The following CNTN4 variants were observed in gnomAD, a reference collection of about 807,000 sequenced individuals.
The protein encoded by CNTN4 is contactin 4, also known as contactin-4.
CNTN4 carries 77 observed loss-of-function variants against 122.5 expected under a neutral mutation model. The ratio of observed to expected loss-of-function variants is 0.63; its 90% CI spans 0.52 to 0.76. The LOEUF (loss-of-function observed/expected upper bound fraction) is 0.76. Ranked by LOEUF, CNTN4 falls within the 30% of genes least tolerant of loss-of-function variation. CNTN4 has a pLI of 0.00. For missense variants in CNTN4, 1,256 were observed against 1,259.1 expected (o/e 1.00, Z 0.04); for synonymous variants, 512 against 447.0 (o/e 1.15, Z -1.83).
At chr3:2,422,264 C>T (rs2047647030) in intron 3 of CNTN4, among the ~76,000 whole-genome samples, 1 of 152,202 alleles carries the variant, frequency 6.6e-6, no homozygotes, top group Admixed American at 6.5e-5. Flanking sequence ...ATTTAAGGAA[C>T]TCTCCTTCCC....
chr3:2,667,336 G>T (rs2084228882), intron 4 of CNTN4, among the ~76,000 whole-genome samples: 1 of 152,122 alleles, frequency 6.6e-6, no homozygotes, highest in African/African-American at 2.4e-5. Context: ...TTTCTCTGAT[G>T]GCCAGTGATA....
At chr3:2,879,401 G>A (rs1182636202) in intron 8 of CNTN4, among the ~76,000 whole-genome samples, 1 of 152,086 alleles carries the variant, frequency 6.6e-6, no homozygotes, top group Non-Finnish European at 1.5e-5. Context: ...CTTTTGCTTA[G>A]GGCCACTGAG....
chr3:2,618,249 A>G (rs907761834), intron 4 of CNTN4, among the ~76,000 whole-genome samples: 2 of 151,904 alleles, frequency 1.3e-5, no homozygotes, highest in Admixed American at 1.3e-4. Context: ...GTGGGTATAT[A>G]TATATATGGA....
intron 4 of CNTN4, among the ~76,000 whole-genome samples, chr3:2,701,074 T>A (rs2086332014): frequency 6.6e-6 from 1 of 152,218 alleles, no homozygotes; most frequent in Admixed American, 6.5e-5. Context: ...TAAACTCTTA[T>A]AATATTCCAT....
intron 13 of CNTN4, among the ~76,000 whole-genome samples, chr3:2,945,830 A>G (rs2094671147): frequency 6.6e-6 from 1 of 152,194 alleles, no homozygotes; most frequent in African/African-American, 2.4e-5. Flanking sequence ...TGTCAAACCT[A>G]AAAAATCAAG....
intron 3 of CNTN4, among the ~76,000 whole-genome samples, chr3:2,360,877 C>A (rs1262745614): frequency 6.6e-6 from 1 of 152,116 alleles, no homozygotes; most frequent in East Asian, 1.9e-4. Context: ...CAAATCCTTA[C>A]CATATCACTG....
chr3:3,043,716 C>A lies in CNTN4; in HGVS notation c.2811+12C>A, dbSNP rs199645551. On this transcript the variant is annotated intron_variant, in intron 23 of 24. Coordinates refer to ENST00000418658, the MANE Select transcript of CNTN4 (RefSeq NM_175607.3). ...TAAAAGGATACAAAGTAGGTAATTT[C>A]TTTTTTGCAAAGGCACCTAATCGTG... 1,953 of 1,581,068 alleles carry A rather than the reference C, an allele frequency of 1.2e-3. 7 individuals are homozygous for A. The highest frequency in any genetic ancestry group is 4.6e-3 in the South Asian group (419 of 90,292).
intron 3 of CNTN4, among the ~76,000 whole-genome samples, chr3:2,341,676 G>A (rs947632593): frequency 3.3e-5 from 5 of 152,182 alleles, no homozygotes; most frequent in Non-Finnish European, 7.3e-5. Context: ...TAGTCTGTGG[G>A]ACAGAATATC....
intron 2 of CNTN4, among the ~76,000 whole-genome samples, chr3:2,285,173 G>C (rs1292286887): frequency 2.0e-5 from 3 of 152,012 alleles, no homozygotes; most frequent in Non-Finnish European, 4.4e-5. Context: ...AGAGATTGGA[G>C]TTCCTAACTG....
At chr3:2,609,997 A>G (rs952773387) in intron 4 of CNTN4, among the ~76,000 whole-genome samples, 4 of 152,260 alleles carry the variant, frequency 2.6e-5, no homozygotes, top group African/African-American at 9.6e-5. Context: ...TAGAGATGAT[A>G]TCTTCTTGAT....
At chr3:3,000,685 G>T (rs376423442) in intron 14 of CNTN4, among the ~76,000 whole-genome samples, 1 of 152,086 alleles carries the variant, frequency 6.6e-6, no homozygotes, top group African/African-American at 2.4e-5. Flanking sequence ...TCATCTTAGC[G>T]TTCTCAGGGT....
At chr3:2,528,197 G>C (rs143062389) in intron 3 of CNTN4, among the ~76,000 whole-genome samples, 10 of 152,126 alleles carry the variant, frequency 6.6e-5, no homozygotes, top group Non-Finnish European at 1.2e-4. Context: ...CTCATATGTT[G>C]ATTGGACTGC....
chr3:2,439,974 G>C (rs931666356), intron 3 of CNTN4, among the ~76,000 whole-genome samples: 4 of 152,144 alleles, frequency 2.6e-5, no homozygotes, highest in Non-Finnish European at 5.9e-5. Flanking sequence ...GTCAAAACTA[G>C]TGCTAGCAAA....
intron 5 of CNTN4, among the ~76,000 whole-genome samples, chr3:2,736,672 A>C (rs2149492866): frequency 6.6e-6 from 1 of 151,966 alleles, no homozygotes; most frequent in East Asian, 1.9e-4. Flanking sequence ...TGTGTTGGTC[A>C]GGCTGGTCTT....
At chr3:2,333,662 TAAAAG>T (rs2043826520) in intron 2 of CNTN4, among the ~76,000 whole-genome samples, 1 of 152,220 alleles carries the variant, frequency 6.6e-6, no homozygotes, top group East Asian at 1.9e-4. Flanking sequence ...TGTGAAATGA[TAAAAG>T]AATCAAATGA....
intron 3 of CNTN4, among the ~76,000 whole-genome samples, chr3:2,492,651 T>G (rs2076350132): frequency 6.6e-6 from 1 of 152,206 alleles, no homozygotes; most frequent in Non-Finnish European, 1.5e-5. Context: ...AATTCTTAGT[T>G]GTTTGGCTTA....
At chr3:2,369,105 A>G (rs2045530897) in intron 3 of CNTN4, among the ~76,000 whole-genome samples, 1 of 151,998 alleles carries the variant, frequency 6.6e-6, no homozygotes, top group African/African-American at 2.4e-5. Flanking sequence ...TTCTATTTTT[A>G]GTAGAGACAC....
At chr3:2,654,423 G>T (rs1419484980) in intron 4 of CNTN4, among the ~76,000 whole-genome samples, 2 of 152,106 alleles carry the variant, frequency 1.3e-5, no homozygotes, top group Non-Finnish European at 2.9e-5. Flanking sequence ...TATTGAAAAA[G>T]CCCAGACATT....
At position 2,592,784 on chromosome 3, in the gene CNTN4, T is replaced by C. The variant is rs1290355160; in HGVS notation, c.55+21226T>C. Among the ~76,000 whole-genome samples the C allele has an allele frequency of 2.0e-5, 3 of 152,218 alleles. No homozygotes were observed. In the East Asian group the frequency reaches 5.8e-4, roughly 29 times the overall value. On this transcript the variant is annotated intron_variant, in intron 4 of 24. Transcript: ENST00000418658. Reference sequence around the variant, plus strand: ...ACAAATACAGTTAGTTTAACCACTCTCTGGAGTGTTCTATTCATGGGTTGG... The same window carrying C: ...ACAAATACAGTTAGTTTAACCACTCCCTGGAGTGTTCTATTCATGGGTTGG...
Sources: gnomAD v4.1 joint callset for allele counts (sites outside exome capture counted in the v4.1 genomes callset) on GRCh38, gnomAD v4.1.1 for gene constraint, MANE v1.5 for transcripts, NCBI Gene and HGNC (gene_info 2026-07-23, HGNC 2026-07-21) for gene names.